DIAPH3: variants seen among roughly 807,000 people sequenced by gnomAD.
DIAPH3 encodes the protein protein diaphanous homolog 3.
In DIAPH3, 117 loss-of-function variants were observed where a neutral mutation model predicts 144.3. The ratio of observed to expected loss-of-function variants is 0.81; its 90% CI spans 0.70 to 0.95. The LOEUF (loss-of-function observed/expected upper bound fraction) is 0.95. Among genes scored for constraint, DIAPH3 ranks in the 40% least tolerant of loss-of-function variants. DIAPH3 has a pLI of 0.00. For synonymous variants in DIAPH3, 519 were observed against 488.9 expected (o/e 1.06, Z -0.81); for missense variants, 1,421 against 1,412.7 (o/e 1.01, Z -0.09).
intron 27 of DIAPH3, among the ~76,000 whole-genome samples, chr13:59,705,191 A>C (rs189565502): frequency 0.047 from 6,657 of 142,000 alleles, 218 homozygotes; most frequent in Middle Eastern, 0.07. Flanking sequence ...ACAGACCGGC[A>C]AAAAAAAATA....
At chr13:59,944,887 A>G (rs1322240690) in intron 17 of DIAPH3, among the ~76,000 whole-genome samples, 1 of 152,004 alleles carries the variant, frequency 6.6e-6, no homozygotes, top group Non-Finnish European at 1.5e-5. Context: ...TTAGTAATCA[A>G]TCTTTCCAGG....
intron 22 of DIAPH3, among the ~76,000 whole-genome samples, chr13:59,859,692 G>C (rs1277684166): frequency 6.6e-6 from 1 of 151,672 alleles, no homozygotes. Context: ...ATCCCATTTG[G>C]TCAAAAAATC....
At chr13:59,855,411 A>G (rs1412383601) in intron 22 of DIAPH3, among the ~76,000 whole-genome samples, 1 of 152,052 alleles carries the variant, frequency 6.6e-6, no homozygotes, top group East Asian at 1.9e-4. Flanking sequence ...GTATATGCAA[A>G]CATATATAAA....
intron 5 of DIAPH3, among the ~76,000 whole-genome samples, chr13:60,030,236 C>T (rs78610197): frequency 8.9e-4 from 136 of 152,226 alleles, no homozygotes; most frequent in African/African-American, 3.1e-3. Context: ...ACTGTGGTAC[C>T]TAGCATAGCC....
intron 5 of DIAPH3, among the ~76,000 whole-genome samples, chr13:60,037,094 T>C (rs1436496287): frequency 6.6e-6 from 1 of 152,160 alleles, no homozygotes; most frequent in Non-Finnish European, 1.5e-5. Context: ...AGGAAGGCTA[T>C]CCTTCCAAAG....
At chr13:59,798,529 C>T (rs963502023) in intron 25 of DIAPH3, among the ~76,000 whole-genome samples, 1 of 152,124 alleles carries the variant, frequency 6.6e-6, no homozygotes, top group African/African-American at 2.4e-5. Context: ...AAACTCTGGC[C>T]CTTCATTTCA....
chr13:60,073,588 A>C (rs769275617), intron 4 of DIAPH3, among the ~76,000 whole-genome samples: 5 of 152,214 alleles, frequency 3.3e-5, no homozygotes, highest in Non-Finnish European at 7.3e-5. Context: ...CTCCTTTATG[A>C]GGTAAATATC....
At chr13:59,880,206 T>C (rs751505318) in intron 20 of DIAPH3, among the ~76,000 whole-genome samples, 2 of 152,176 alleles carry the variant, frequency 1.3e-5, no homozygotes, top group African/African-American at 4.8e-5. Context: ...TTCCTGCCTT[T>C]ATCCTTACTC....
chr13:59,906,005 A>C (rs1047765607), intron 20 of DIAPH3, among the ~76,000 whole-genome samples: 1 of 152,202 alleles, frequency 6.6e-6, no homozygotes, highest in Non-Finnish European at 1.5e-5. Flanking sequence ...CCTACTTCAT[A>C]AATAAGAAAA....
In DIAPH3 at chr13:59,879,369, C is replaced by T. The variant is rs375091894; in HGVS notation, c.2467G>A (p.Val823Ile). ...TTTATCTCTTCGCAGGCAGTACTGA[C>T]AGCCATGATGTCAGGTTTGATGTTG... ...VNNIKPDIMA[V>I]STACEEIKKS... Residue 823 changes from valine (V) to isoleucine (I), a missense_variant, in exon 21 of 28, where the codon GTC becomes ATC. By Grantham distance (29) the Val-to-Ile change is conservative. Transcript: ENST00000400324. 5.6e-6 allele frequency: 9 copies of T among 1,613,878 alleles called. No homozygotes were observed. The highest frequency in any genetic ancestry group is 5.1e-6 in the Non-Finnish European group (6 of 1,179,864).
rs752546137 is a variant in DIAPH3, at chr13:59,810,930, A to C, written c.3028-7T>G. The C allele has an allele frequency of 3.5e-6, 3 of 869,230 alleles. No homozygotes were observed. Among genetic ancestry groups the C allele is most frequent in the Non-Finnish European group, 5.0e-6 (3 of 594,212 alleles). The allele number at this position is 869,230 out of a possible 1,614,324, so 53.8% of individuals were successfully genotyped here. On this transcript the variant is annotated splice_region_variant and splice_polypyrimidine_tract_variant and intron_variant, in intron 24 of 27. Coordinates refer to ENST00000400324, the MANE Select transcript of DIAPH3 (RefSeq NM_001042517.2). ...TATTCTCCTTTATTGCTTGCTAAAA[A>C]AATTTTGAAAAATGATCAATTTTAA...
chr13:60,028,182 C>G (rs1236706326), intron 5 of DIAPH3, among the ~76,000 whole-genome samples: 1 of 152,034 alleles, frequency 6.6e-6, no homozygotes. Flanking sequence ...CTCAGATACC[C>G]CTCAAGTTAG....
At chr13:59,995,471 G>A (rs1214691026) in intron 9 of DIAPH3, among the ~76,000 whole-genome samples, 2 of 151,796 alleles carry the variant, frequency 1.3e-5, no homozygotes, top group East Asian at 3.9e-4. Flanking sequence ...TCCATCTTAG[G>A]GCATCAGAAG....
At chr13:59,813,174 T>C (rs952312646) in intron 24 of DIAPH3, among the ~76,000 whole-genome samples, 4 of 152,002 alleles carry the variant, frequency 2.6e-5, no homozygotes, top group African/African-American at 9.7e-5. Flanking sequence ...TGGCTATTGC[T>C]ATTGTGTGAG....
At chr13:60,030,180 T>C (rs1449502153) in intron 5 of DIAPH3, among the ~76,000 whole-genome samples, 3 of 152,204 alleles carry the variant, frequency 2.0e-5, no homozygotes, top group Admixed American at 1.3e-4. Context: ...CTTTTTGTTT[T>C]ATTTATTTGT....
chr13:60,115,103 T>C (rs577453486), intron 2 of DIAPH3, among the ~76,000 whole-genome samples: 2 of 152,232 alleles, frequency 1.3e-5, no homozygotes, highest in South Asian at 4.1e-4. Context: ...AAAGAAAAAA[T>C]ACATTTACAA....
At chr13:59,774,057 T>C (rs1032235780) in intron 27 of DIAPH3, 132 bp downstream of exon 27, 1 of 880,220 alleles carries the variant, frequency 1.1e-6, no homozygotes, top group South Asian at 1.7e-5. Context: ...ATAGCAAATA[T>C]GTACATGCAC....
intron 4 of DIAPH3, 40 bp from the exon 5 acceptor site, chr13:60,042,860 T>C: frequency 6.2e-7 from 1 of 1,605,862 alleles, no homozygotes; most frequent in Non-Finnish European, 8.5e-7. Context: ...TAATACTGCA[T>C]GGAGATTACC....
intron 4 of DIAPH3, among the ~76,000 whole-genome samples, chr13:60,048,587 A>G (rs1440049627): frequency 6.6e-6 from 1 of 151,726 alleles, no homozygotes; most frequent in Non-Finnish European, 1.5e-5. Flanking sequence ...GGCATATAAA[A>G]TGATACTATC....
Sources: gnomAD v4.1 joint callset for allele counts (sites outside exome capture counted in the v4.1 genomes callset) on GRCh38, gnomAD v4.1.1 for gene constraint, MANE v1.5 for transcripts, NCBI Gene and HGNC (gene_info 2026-07-23, HGNC 2026-07-21) for gene names.